Variants in HFM1 observed in about 807,000 individuals in gnomAD.
HFM1 encodes the protein probable ATP-dependent DNA helicase HFM1.
Under a neutral mutation model 192.1 loss-of-function variants are expected in HFM1, and 169 were observed. The ratio of observed to expected loss-of-function variants is 0.88; its 90% CI spans 0.78 to 1.00. The LOEUF is 1.00. Among genes scored for constraint, HFM1 ranks in the 50% least tolerant of loss-of-function variants. HFM1 has a pLI of 0.00. For missense variants in HFM1, 1,661 were observed against 1,668.0 expected, an observed-to-expected ratio of 1.00 and a Z score of 0.07; for synonymous variants, 525 against 537.8, an observed-to-expected ratio of 0.98 and a Z score of 0.33.
chr1:91,345,955 C>A (rs9324415), intron 19 of HFM1, among the ~76,000 whole-genome samples: 30,021 of 152,072 alleles, frequency 0.2, 3,387 homozygotes, highest in Non-Finnish European at 0.26. Context: ...ATTAGAATTG[C>A]CAGAGAAATT....
intron 11 of HFM1, 68 bp downstream of exon 11, chr1:91,377,957 T>C (rs1409590184): frequency 1.4e-6 from 2 of 1,397,230 alleles, no homozygotes; most frequent in Non-Finnish European, 2.0e-6. Flanking sequence ...CTTTTCTCTA[T>C]GATCAAGATG....
At chr1:91,271,187 T>C (rs1340310975) in intron 34 of HFM1, among the ~76,000 whole-genome samples, 1 of 152,132 alleles carries the variant, frequency 6.6e-6, no homozygotes, top group Non-Finnish European at 1.5e-5. Flanking sequence ...CCAGTTAGAA[T>C]GAGCTCTGGT....
intron 30 of HFM1, among the ~76,000 whole-genome samples, chr1:91,283,522 AGACTAC>A (rs1266242742): frequency 6.6e-6 from 1 of 152,140 alleles, no homozygotes; most frequent in Non-Finnish European, 1.5e-5. Context: ...CAAAGTGCTG[AGACTAC>A]AGGTGTGAGT....
In HFM1 at chr1:91,260,975, T is replaced by A. The variant is rs1665109208; in HGVS notation, c.*315A>T. Reference sequence around the variant, plus strand: ...TTAAGAAAATATAAAAATGAAATTTTACATTGGTTCTTGTCAAAATCCAAT... The same window carrying A: ...TTAAGAAAATATAAAAATGAAATTTAACATTGGTTCTTGTCAAAATCCAAT... On this transcript the variant is annotated 3_prime_UTR_variant, in exon 39 of 39. Coordinates refer to ENST00000370425, the MANE Select transcript of HFM1 (RefSeq NM_001017975.6). 5.6e-6 allele frequency: 1 copy of A among 177,968 alleles called. No homozygotes were observed. The highest frequency in any genetic ancestry group is 1.2e-5 in the Non-Finnish European group (1 of 84,206). 11.0% of individuals were successfully genotyped at this position (177,968 alleles called of 1,614,324 possible). A position where few individuals can be genotyped will look rare whatever the true frequency, so the allele number is the denominator to read the frequency against.
At chr1:91,262,962 A>G (rs1665305960) in intron 36 of HFM1, among the ~76,000 whole-genome samples, 1 of 152,186 alleles carries the variant, frequency 6.6e-6, no homozygotes, top group South Asian at 2.1e-4. Flanking sequence ...TTGTAGTTAG[A>G]CATCTCTAGT....
At chr1:91,339,481 T>G (rs1010875357) in intron 20 of HFM1, among the ~76,000 whole-genome samples, 3 of 152,038 alleles carry the variant, frequency 2.0e-5, no homozygotes, top group African/African-American at 7.2e-5. Context: ...AAAAACTCAC[T>G]GCAAGAATTT....
At chr1:91,332,561 A>G (rs982925808) in intron 20 of HFM1, among the ~76,000 whole-genome samples, 2 of 152,180 alleles carry the variant, frequency 1.3e-5, no homozygotes, top group Admixed American at 6.5e-5. Flanking sequence ...TTTCTTGAGT[A>G]ATACCCTACA....
chr1:91,401,184 T>C (rs1664273156), intron 1 of HFM1, 75 bp from the exon 2 acceptor site: 3 of 683,062 alleles, frequency 4.4e-6, no homozygotes, highest in Non-Finnish European at 7.3e-6. Flanking sequence ...AATCACTAAT[T>C]TTCCACAGTC....
At chr1:91,353,921 A>AT (rs1657345228) in intron 13 of HFM1, among the ~76,000 whole-genome samples, 2 of 94,038 alleles carry the variant, frequency 2.1e-5, no homozygotes, top group Non-Finnish European at 4.3e-5. Flanking sequence ...CACAGGAAAC[A>AT]TGAAAAAAAA....
At chr1:91,402,687 A>G (rs933566963) in intron 1 of HFM1, among the ~76,000 whole-genome samples, 1 of 152,152 alleles carries the variant, frequency 6.6e-6, no homozygotes, top group African/African-American at 2.4e-5. Flanking sequence ...CCAAAAAGTA[A>G]CAAATAAAAT....
upstream of HFM1, chr1:91,404,925 T>A: frequency 2.2e-6 from 1 of 452,584 alleles, no homozygotes; most frequent in Non-Finnish European, 4.4e-6. Context: ...CTTCCTACCT[T>A]TTTTTCTCCG....
rs58288889 is a variant in HFM1 at position 91,342,151 on chromosome 1, A to AAAAAAAAAAAAAAAC, written c.2335+1278_2335+1279insGTTTTTTTTTTTTTT. On this transcript the variant is annotated intron_variant, in intron 20 of 38. Coordinates refer to ENST00000370425, the MANE Select transcript of HFM1 (RefSeq NM_001017975.6). The stretch of plus-strand genomic sequence containing the variant: ...ACACAATGAAAAAAAAAAAAAAAAA[A>AAAAAAAAAAAAAAAC]TTCAGGCGAATATTCCTGATGAACA... Among the ~76,000 whole-genome samples the AAAAAAAAAAAAAAAC allele has an allele frequency of 7.2e-5, 8 of 111,830 alleles. 1 individual carries two copies. The highest frequency in any genetic ancestry group is 6.9e-5 in the Non-Finnish European group (4 of 57,750). 73.4% of individuals were successfully genotyped at this position (111,830 alleles called of 152,430 possible). A position where few individuals can be genotyped will look rare whatever the true frequency, so the allele number is the denominator to read the frequency against.
intron 13 of HFM1, among the ~76,000 whole-genome samples, chr1:91,374,326 T>C (rs1313102825): frequency 6.6e-6 from 1 of 151,840 alleles, no homozygotes; most frequent in Non-Finnish European, 1.5e-5. Context: ...TAAGAATCTA[T>C]TAAAGGGTTT....
chr1:91,317,346 G>A (rs1383764670), intron 25 of HFM1, among the ~76,000 whole-genome samples: 1 of 152,200 alleles, frequency 6.6e-6, no homozygotes, highest in Admixed American at 6.5e-5. Flanking sequence ...CCCGAGAGGC[G>A]GAGGTTGCGG....
At chr1:91,389,745 A>G (rs1045382134) in intron 4 of HFM1, among the ~76,000 whole-genome samples, 1 of 152,238 alleles carries the variant, frequency 6.6e-6, no homozygotes, top group Non-Finnish European at 1.5e-5. Flanking sequence ...GTCATTAAGA[A>G]AATGAGATAC....
intron 13 of HFM1, among the ~76,000 whole-genome samples, chr1:91,366,169 GA>G (rs1381900476): frequency 6.6e-6 from 1 of 152,046 alleles, no homozygotes; most frequent in Non-Finnish European, 1.5e-5. Flanking sequence ...GTTCACAACA[GA>G]AAAAAGGGAG....
chr1:91,388,181 C>T (rs1017198378), intron 4 of HFM1, among the ~76,000 whole-genome samples: 15 of 152,184 alleles, frequency 9.9e-5, no homozygotes, highest in South Asian at 4.2e-4. Flanking sequence ...AAGTGTTTCC[C>T]TTAGGTCTCT....
chr1:91,343,569 AATTT>A (rs1055094653), intron 19 of HFM1, 59 bp from the exon 20 acceptor site: 14 of 664,252 alleles, frequency 2.1e-5, no homozygotes, highest in Non-Finnish European at 3.3e-5. Context: ...AGGGAAAAAT[AATTT>A]ATTATTAAAT....
At chr1:91,289,410 C>G (rs1044585324) in intron 30 of HFM1, among the ~76,000 whole-genome samples, 4 of 151,954 alleles carry the variant, frequency 2.6e-5, no homozygotes, top group African/African-American at 9.7e-5. Flanking sequence ...TCCTCACATC[C>G]CAGACGATGG....
Sources: allele counts gnomAD v4.1 joint callset (sites outside exome capture counted in the v4.1 genomes callset), GRCh38; gene constraint gnomAD v4.1.1; transcripts MANE v1.5; gene names NCBI Gene and HGNC (gene_info 2026-07-23, HGNC 2026-07-21).